ARSB: variants seen among roughly 807,000 people sequenced by gnomAD.
ARSB encodes the protein N-acetylgalactosamine-4-sulfatase.
ARSB carries 41 observed loss-of-function variants against 50.9 expected under a neutral mutation model. That is an observed-to-expected ratio of 0.81 (90% confidence interval 0.63 to 1.04). The LOEUF is 1.04. Among genes scored for constraint, ARSB ranks in the 50% least tolerant of loss-of-function variants. The probability of loss-of-function intolerance (pLI) is 0.00; values close to 1 mark genes in which losing one functional copy is unlikely to be tolerated. For synonymous variants in ARSB, 269 were observed against 284.8 expected, an observed-to-expected ratio of 0.94 and a Z score of 0.56; for missense variants, 672 against 693.3, an observed-to-expected ratio of 0.97 and a Z score of 0.35.
intron 4 of ARSB, among the ~76,000 whole-genome samples, chr5:78,931,706 T>C (rs1750334846): frequency 6.6e-6 from 1 of 152,040 alleles, no homozygotes; most frequent in Non-Finnish European, 1.5e-5. Context: ...CATTATTCTT[T>C]GGCAAATATA....
chr5:78,882,653 A>G lies in ARSB; in HGVS notation c.1142+2931T>C, dbSNP rs117059699. Among the ~76,000 whole-genome samples, 31 of 152,298 alleles carry G rather than the reference A, an allele frequency of 2.0e-4. No homozygotes were observed. In the East Asian group the frequency reaches 4.2e-3, roughly 21 times the overall value. On this transcript the variant is annotated intron_variant, in intron 5 of 7. Coordinates refer to ENST00000264914, the MANE Select transcript of ARSB (RefSeq NM_000046.5). ...TGCAGTAAGTTTCTTGGATGACACAATCAAAAACCAATGGTCTGTTAAATA... is the reference window on the plus strand; with the variant it reads ...TGCAGTAAGTTTCTTGGATGACACAGTCAAAAACCAATGGTCTGTTAAATA...
At chr5:78,851,621 C>G (rs932256524) in intron 5 of ARSB, among the ~76,000 whole-genome samples, 1 of 151,990 alleles carries the variant, frequency 6.6e-6, no homozygotes, top group Non-Finnish European at 1.5e-5. Flanking sequence ...TCTTTGTTAA[C>G]TTTCTGTCTC....
At chr5:78,916,075 G>T (rs394636) in intron 4 of ARSB, among the ~76,000 whole-genome samples, 152,374 of 152,378 alleles carry the variant, frequency 1, 76,185 homozygotes, top group Middle Eastern at 1. Flanking sequence ...ACTGAAGTTC[G>T]GGATGAATAT....
chr5:78,978,549 A>C (rs1752763187), intron 1 of ARSB, among the ~76,000 whole-genome samples: 1 of 152,200 alleles, frequency 6.6e-6, no homozygotes, highest in South Asian at 2.1e-4. Flanking sequence ...AGAATAGCCA[A>C]ACTATCTCGA....
At chr5:78,875,809 A>G (rs1199027081) in intron 5 of ARSB, among the ~76,000 whole-genome samples, 1 of 152,056 alleles carries the variant, frequency 6.6e-6, no homozygotes, top group Non-Finnish European at 1.5e-5. Context: ...CTGGGACTAC[A>G]GGTGTGTGCC....
At chr5:78,807,114 C>T (rs543606484) in intron 6 of ARSB, among the ~76,000 whole-genome samples, 19 of 152,038 alleles carry the variant, frequency 1.2e-4, no homozygotes, top group South Asian at 1.2e-3. Context: ...TTTGGGAACA[C>T]GAGGGTGGTA....
At chr5:78,985,460 G>A (rs549723499), upstream of ARSB, 15 of 334,954 alleles carry the variant, frequency 4.5e-5, no homozygotes, top group African/African-American at 3.0e-4. Flanking sequence ...AGACGAACCC[G>A]CGGGCGCCCG....
intron 5 of ARSB, among the ~76,000 whole-genome samples, chr5:78,870,196 C>T (rs1222137170): frequency 6.8e-6 from 1 of 147,744 alleles, no homozygotes; most frequent in Non-Finnish European, 1.5e-5. Flanking sequence ...AAAAAGAGTC[C>T]AGGACCAGAA....
intron 4 of ARSB, among the ~76,000 whole-genome samples, chr5:78,908,567 G>T (rs337851): frequency 0.66 from 100,687 of 151,862 alleles, 33,904 homozygotes; most frequent in South Asian, 0.79. Context: ...GGGCAGCCTG[G>T]CCGGAACACC....
intron 6 of ARSB, among the ~76,000 whole-genome samples, chr5:78,825,042 GA>G (rs1057028926): frequency 6.6e-6 from 1 of 152,140 alleles, no homozygotes; most frequent in African/African-American, 2.4e-5. Flanking sequence ...CTACGGTCAG[GA>G]ATGTGTTTGG....
intron 5 of ARSB, among the ~76,000 whole-genome samples, chr5:78,859,455 TA>T (rs1746319077): frequency 1.3e-5 from 2 of 152,196 alleles, no homozygotes; most frequent in Non-Finnish European, 2.9e-5. Context: ...CTTCAGGGAC[TA>T]ATATGCCTTT....
intron 1 of ARSB, among the ~76,000 whole-genome samples, chr5:78,973,066 G>A (rs6453423): frequency 0.27 from 40,868 of 152,138 alleles, 5,673 homozygotes; most frequent in Middle Eastern, 0.35. Flanking sequence ...TGCCGAACTG[G>A]TTCCAACCCA....
chr5:78,926,007 A>G (rs1478848614), intron 4 of ARSB, among the ~76,000 whole-genome samples: 1 of 152,330 alleles, frequency 6.6e-6, no homozygotes, highest in African/African-American at 2.4e-5. Context: ...TAATATTAAA[A>G]AAGAAAGATT....
chr5:78,833,279 C>G (rs1744777061), intron 6 of ARSB, among the ~76,000 whole-genome samples: 1 of 152,108 alleles, frequency 6.6e-6, no homozygotes, highest in Admixed American at 6.5e-5. Context: ...TTCAATGGTG[C>G]TATTCCCCAG....
intron 4 of ARSB, among the ~76,000 whole-genome samples, chr5:78,923,957 C>T (rs1749938719): frequency 6.6e-6 from 1 of 152,094 alleles, no homozygotes; most frequent in African/African-American, 2.4e-5. Context: ...TATGAACCTC[C>T]TTTTCCAGGG....
intron 4 of ARSB, among the ~76,000 whole-genome samples, chr5:78,899,421 ACT>A: frequency 6.6e-6 from 1 of 151,912 alleles, no homozygotes; most frequent in Middle Eastern, 3.4e-3. Flanking sequence ...CTCTCGCTTC[ACT>A]CTCTCTTGAA....
At chr5:78,909,800 G>C (rs1205847044) in intron 4 of ARSB, among the ~76,000 whole-genome samples, 1 of 152,182 alleles carries the variant, frequency 6.6e-6, no homozygotes, top group Admixed American at 6.5e-5. Flanking sequence ...GGTCTGTGCT[G>C]AGGAGGATTA....
chr5:78,855,273 G>A (rs1210008762), intron 5 of ARSB, among the ~76,000 whole-genome samples: 1 of 152,214 alleles, frequency 6.6e-6, no homozygotes, highest in African/African-American at 2.4e-5. Flanking sequence ...GCTCTGGGTG[G>A]ACCAGGCACC....
At chr5:78,904,685 C>CTTTTTT (rs55920994) in intron 4 of ARSB, among the ~76,000 whole-genome samples, 4 of 98,928 alleles carry the variant, frequency 4.0e-5, no homozygotes, top group Non-Finnish European at 5.9e-5. Flanking sequence ...TTCTTTCTTT[C>CTTTTTT]TTTTTTTTTT....
Sources: gnomAD v4.1 joint callset for allele counts (sites outside exome capture counted in the v4.1 genomes callset) on GRCh38, gnomAD v4.1.1 for gene constraint, MANE v1.5 for transcripts, NCBI Gene and HGNC (gene_info 2026-07-23, HGNC 2026-07-21) for gene names.